The following SCD5 variants were observed in gnomAD, a reference collection of about 807,000 sequenced individuals.
The protein encoded by SCD5 is stearoyl-CoA desaturase 5, also known as acyl-CoA-desaturase 4.
SCD5 carries 20 observed loss-of-function variants against 30.4 expected under a neutral mutation model. That is an observed-to-expected ratio of 0.66 (90% CI 0.46 to 0.96). The LOEUF is 0.96. Ranked by LOEUF, SCD5 falls within the 40% of genes least tolerant of loss-of-function variation. The pLI, the probability that SCD5 is intolerant of heterozygous loss-of-function variation, is 0.00. For missense variants in SCD5, 381 were observed against 443.3 expected (o/e 0.86, Z 1.26); for synonymous variants, 173 against 176.4 (o/e 0.98, Z 0.16).
At chr4:82,733,263 TGGTCTC>T (rs1209506912) in intron 1 of SCD5, among the ~76,000 whole-genome samples, 1 of 152,148 alleles carries the variant, frequency 6.6e-6, no homozygotes, top group Non-Finnish European at 1.5e-5. Context: ...ACTCTAGCTT[TGGTCTC>T]TTTCACATCA....
intron 1 of SCD5, among the ~76,000 whole-genome samples, chr4:82,766,631 T>C (rs924692043): frequency 2.0e-5 from 3 of 152,246 alleles, no homozygotes; most frequent in Non-Finnish European, 4.4e-5. Context: ...CTTCTTTGCA[T>C]ACCTTGTAAT....
intron 3 of SCD5, among the ~76,000 whole-genome samples, chr4:82,664,202 GTA>G (rs759542896): frequency 2.6e-5 from 4 of 152,164 alleles, no homozygotes; most frequent in Non-Finnish European, 5.9e-5. Context: ...CGTAGTAAGG[GTA>G]GCCATCCAGT....
In SCD5 at chr4:82,798,379, C is replaced by T. The variant is rs745330643; in HGVS notation, c.159G>A (p.Met53Ile). The change falls in exon 1 of 5, where the codon ATG (methionine) becomes ATA (isoleucine). Residue 53 changes from methionine to isoleucine, a missense_variant. Physicochemically the swap from Met to Ile is conservative, Grantham distance 10 (BLOSUM62 1). Transcript: ENST00000319540. The stretch of plus-strand genomic sequence containing the variant: ...ACACGGCCCCCAAGTGGAGCAAGCT[C>T]ATCAGGACGACATTCCTCCAGACGA... ...QNIVWRNVVL[M>I]SLLHLGAVYS... 2 of 1,613,456 alleles carry T rather than the reference C, an allele frequency of 1.2e-6. No individual in the cohort carries two copies. Among genetic ancestry groups the T allele is most frequent in the South Asian group, 1.1e-5 (1 of 91,060 alleles).
At chr4:82,748,251 A>G (rs1226204144) in intron 1 of SCD5, among the ~76,000 whole-genome samples, 3 of 152,134 alleles carry the variant, frequency 2.0e-5, no homozygotes, top group Non-Finnish European at 4.4e-5. Flanking sequence ...TTGTCCAGAA[A>G]CAAGAGGGAA....
At chr4:82,662,033 G>A (rs1560527100) in intron 3 of SCD5, among the ~76,000 whole-genome samples, 1 of 152,154 alleles carries the variant, frequency 6.6e-6, no homozygotes, top group Non-Finnish European at 1.5e-5. Flanking sequence ...TTGGCCATGG[G>A]TAGTGAACAG....
chr4:82,670,076 C>T (rs1426153319), intron 3 of SCD5, among the ~76,000 whole-genome samples: 2 of 152,214 alleles, frequency 1.3e-5, no homozygotes, highest in African/African-American at 2.4e-5. Context: ...GTTCCTTTTA[C>T]TCAGTACATC....
intron 1 of SCD5, among the ~76,000 whole-genome samples, chr4:82,709,532 C>A (rs1385964550): frequency 2.0e-5 from 3 of 152,122 alleles, no homozygotes; most frequent in Admixed American, 6.5e-5. Flanking sequence ...GCAGAAGAAA[C>A]AAGAATTTAG....
chr4:82,667,635 C>T (rs1300293010), intron 3 of SCD5, among the ~76,000 whole-genome samples: 2 of 152,260 alleles, frequency 1.3e-5, no homozygotes, highest in African/African-American at 2.4e-5. Context: ...CAAAAGGTAT[C>T]GAATTAAACA....
chr4:82,745,172 C>G (rs1720954529), intron 1 of SCD5, among the ~76,000 whole-genome samples: 1 of 152,168 alleles, frequency 6.6e-6, no homozygotes, highest in Non-Finnish European at 1.5e-5. Flanking sequence ...TCTTCAAGGT[C>G]CTCACAGTCC....
At chr4:82,739,874 G>C (rs1357451396) in intron 1 of SCD5, among the ~76,000 whole-genome samples, 10 of 152,188 alleles carry the variant, frequency 6.6e-5, no homozygotes, top group African/African-American at 2.4e-4. Flanking sequence ...CCATGGACTT[G>C]ATGTGTTTAA....
At chr4:82,726,783 G>A (rs972909458) in intron 1 of SCD5, among the ~76,000 whole-genome samples, 8 of 152,136 alleles carry the variant, frequency 5.3e-5, no homozygotes, top group African/African-American at 1.9e-4. Flanking sequence ...TGTGAGACGC[G>A]CTGGACTGGA....
chr4:82,734,925 C>T (rs1720717106), intron 1 of SCD5, among the ~76,000 whole-genome samples: 1 of 151,982 alleles, frequency 6.6e-6, no homozygotes, highest in Non-Finnish European at 1.5e-5. Flanking sequence ...CCACCATGCC[C>T]AGCTAATTTT....
chr4:82,654,197 A>G (rs7683727), intron 3 of SCD5, among the ~76,000 whole-genome samples: 57,888 of 152,036 alleles, frequency 0.38, 12,129 homozygotes, highest in African/African-American at 0.57. Flanking sequence ...AGCATGTTTC[A>G]ACAAATCACA....
intron 1 of SCD5, among the ~76,000 whole-genome samples, chr4:82,776,906 T>C (rs1040899792): frequency 6.6e-6 from 1 of 152,270 alleles, no homozygotes; most frequent in Admixed American, 6.5e-5. Flanking sequence ...AGGTTATATG[T>C]GTTTCTGAAG....
chr4:82,715,035 G>A (rs1286035103), intron 1 of SCD5, among the ~76,000 whole-genome samples: 8 of 151,380 alleles, frequency 5.3e-5, no homozygotes, highest in South Asian at 2.1e-4. Context: ...TCAGGAGTTC[G>A]AGACCAGCCT....
chr4:82,736,747 C>T (rs567006061), intron 1 of SCD5, among the ~76,000 whole-genome samples: 25 of 152,196 alleles, frequency 1.6e-4, no homozygotes, highest in African/African-American at 5.1e-4. Context: ...ACTGTGGCCT[C>T]GACCTTCTGG....
intron 3 of SCD5, chr4:82,661,217 A>G (rs1381229623): frequency 5.5e-6 from 4 of 730,334 alleles, no homozygotes; most frequent in Non-Finnish European, 9.4e-6. Flanking sequence ...TGACACACTC[A>G]ATAGGATATA....
chr4:82,641,159 C>T (rs910205396), intron 3 of SCD5, among the ~76,000 whole-genome samples: 3 of 138,760 alleles, frequency 2.2e-5, no homozygotes, highest in African/African-American at 5.3e-5. Context: ...GAGGCTGAGG[C>T]AGGAGAATTG....
chr4:82,734,893 G>A (rs1016573214), intron 1 of SCD5, among the ~76,000 whole-genome samples: 2 of 151,960 alleles, frequency 1.3e-5, no homozygotes, highest in East Asian at 1.9e-4. Flanking sequence ...GCCTCCCAGA[G>A]TGCTGGGATT....
Sources: gnomAD v4.1 joint callset for allele counts (sites outside exome capture counted in the v4.1 genomes callset) on GRCh38, gnomAD v4.1.1 for gene constraint, MANE v1.5 for transcripts, NCBI Gene and HGNC (gene_info 2026-07-23, HGNC 2026-07-21) for gene names.